Variants in NKAIN3 observed in about 807,000 individuals in gnomAD.
NKAIN3 encodes sodium/potassium transporting ATPase interacting 3.
A neutral mutation model predicts 30.2 loss-of-function variants in NKAIN3; 25 were observed. That is an observed-to-expected ratio of 0.83 (90% CI 0.60 to 1.16). The LOEUF (loss-of-function observed/expected upper bound fraction) is 1.16. Among genes scored for constraint, NKAIN3 ranks in the 50% most tolerant of loss-of-function variants. The pLI is 0.00. For missense variants in NKAIN3, 225 were observed against 254.1 expected, an observed-to-expected ratio of 0.89 and a Z score of 0.78; for synonymous variants, 91 against 89.6, an observed-to-expected ratio of 1.02 and a Z score of -0.09.
intron 1 of NKAIN3, among the ~76,000 whole-genome samples, chr8:62,485,821 T>C (rs1198267556): frequency 2.6e-5 from 4 of 152,012 alleles, no homozygotes; most frequent in Non-Finnish European, 5.9e-5. Flanking sequence ...ACTTGAGAGG[T>C]TGAACAACAG....
intron 1 of NKAIN3, among the ~76,000 whole-genome samples, chr8:62,342,235 C>CAAAAAAAAAAAAAAAAAAAAAAAAAA (rs3058285): frequency 1.6e-5 from 2 of 124,788 alleles, no homozygotes; most frequent in African/African-American, 3.2e-5. Flanking sequence ...ACCACTGAAC[C>CAAAAAAAAAAAAAAAAAAAAAAAAAA]AAAAAAAAAA....
At chr8:62,442,148 A>T (rs1230717514) in intron 1 of NKAIN3, among the ~76,000 whole-genome samples, 1 of 151,970 alleles carries the variant, frequency 6.6e-6, no homozygotes, top group Non-Finnish European at 1.5e-5. Flanking sequence ...ATGCCTATAC[A>T]ATTTTCTGTT....
In NKAIN3 at chr8:62,366,348, T is replaced by A. The variant is rs541657667; in HGVS notation, c.54+117221T>A. 1.5e-4 allele frequency among the ~76,000 whole-genome samples: 23 copies of A among 151,940 alleles called. No homozygotes were observed. The South Asian group carries it at 4.6e-3, about 30-fold the overall frequency. ...TTCAAGCAATTCTCATGCCTCAGCA[T>A]CCCGAGTAGCTGGGATTACAGGCAT... On this transcript the variant is annotated intron_variant, in intron 1 of 6. Coordinates refer to ENST00000623646, the MANE Select transcript of NKAIN3 (RefSeq NM_001304533.3).
At chr8:62,624,312 G>A (rs1171025802) in intron 3 of NKAIN3, among the ~76,000 whole-genome samples, 1 of 151,922 alleles carries the variant, frequency 6.6e-6, no homozygotes, top group Non-Finnish European at 1.5e-5. Flanking sequence ...GTCTTGTTTT[G>A]TCCAACCCCT....
chr8:62,680,306 T>C (rs576604505), intron 3 of NKAIN3, among the ~76,000 whole-genome samples: 1 of 152,324 alleles, frequency 6.6e-6, no homozygotes, highest in Admixed American at 6.5e-5. Context: ...GATTTTAGAT[T>C]TGTGGAACTC....
chr8:62,660,965 T>C (rs907657220), intron 3 of NKAIN3, among the ~76,000 whole-genome samples: 1 of 152,222 alleles, frequency 6.6e-6, no homozygotes, highest in African/African-American at 2.4e-5. Flanking sequence ...ACCTTATTCT[T>C]CTGTATAGAA....
At chr8:62,683,025 T>TTTTGTTTGTTTG (rs535757107) in intron 3 of NKAIN3, among the ~76,000 whole-genome samples, 1 of 152,024 alleles carries the variant, frequency 6.6e-6, no homozygotes, top group African/African-American at 2.4e-5. Flanking sequence ...TTGTTTGTTT[T>TTTTGTTTGTTTG]TTTGTTTGTT....
chr8:62,626,773 C>T (rs564530282), intron 3 of NKAIN3, among the ~76,000 whole-genome samples: 2 of 152,096 alleles, frequency 1.3e-5, no homozygotes, highest in African/African-American at 4.8e-5. Flanking sequence ...ACACCTTAAA[C>T]GAAACAGCAA....
At chr8:62,683,008 G>A (rs1233123686) in intron 3 of NKAIN3, among the ~76,000 whole-genome samples, 1 of 149,670 alleles carries the variant, frequency 6.7e-6, no homozygotes, top group Non-Finnish European at 1.5e-5. Context: ...TATGTGTCAG[G>A]TTTTGTTTGT....
At chr8:62,578,029 G>A (rs971480302) in intron 1 of NKAIN3, among the ~76,000 whole-genome samples, 4 of 152,032 alleles carry the variant, frequency 2.6e-5, no homozygotes, top group African/African-American at 9.7e-5. Context: ...AATACCCAGG[G>A]AGCCATTTTC....
At chr8:62,365,210 A>G (rs1274276440) in intron 1 of NKAIN3, among the ~76,000 whole-genome samples, 1 of 152,206 alleles carries the variant, frequency 6.6e-6, no homozygotes, top group Non-Finnish European at 1.5e-5. Flanking sequence ...AATTTCAAGT[A>G]TACAGAAAAG....
intron 4 of NKAIN3, among the ~76,000 whole-genome samples, chr8:62,912,595 C>A (rs1821953479): frequency 6.6e-6 from 1 of 152,134 alleles, no homozygotes; most frequent in Admixed American, 6.5e-5. Context: ...TTTTTTTTAA[C>A]TTTTTAAACT....
intron 4 of NKAIN3, among the ~76,000 whole-genome samples, chr8:62,813,869 T>A (rs1818576654): frequency 1.3e-5 from 2 of 152,004 alleles, no homozygotes; most frequent in South Asian, 4.1e-4. Context: ...CAGTCTTTAC[T>A]TGTCTGAAAA....
At chr8:62,897,901 A>G (rs1821484131) in intron 4 of NKAIN3, among the ~76,000 whole-genome samples, 1 of 152,172 alleles carries the variant, frequency 6.6e-6, no homozygotes, top group Non-Finnish European at 1.5e-5. Flanking sequence ...GACCCCCACC[A>G]GATGCAGATG....
At chr8:62,308,036 A>G (rs1317998119) in intron 1 of NKAIN3, among the ~76,000 whole-genome samples, 1 of 150,518 alleles carries the variant, frequency 6.6e-6, no homozygotes, top group Non-Finnish European at 1.5e-5. Context: ...TCAGGAGAAC[A>G]TAGCATTATG....
intron 3 of NKAIN3, among the ~76,000 whole-genome samples, chr8:62,683,803 C>T (rs1401858135): frequency 6.6e-6 from 1 of 152,144 alleles, no homozygotes; most frequent in Non-Finnish European, 1.5e-5. Flanking sequence ...GTATTGCCCA[C>T]ATATTGGCAA....
chr8:62,848,244 G>A (rs1819752714), intron 4 of NKAIN3, among the ~76,000 whole-genome samples: 1 of 152,138 alleles, frequency 6.6e-6, no homozygotes, highest in Non-Finnish European at 1.5e-5. Context: ...GAGTAGCACT[G>A]AATCTATAAA....
rs779634951 is a variant in NKAIN3, at chr8:62,553,078, A to G, written c.55-26461A>G. Reference sequence around the variant, plus strand: ...GAAGAATGACATTGTGTATGCTTGGAAAGTTTATATTGCTATTTTTATCAC... The same window carrying G: ...GAAGAATGACATTGTGTATGCTTGGGAAGTTTATATTGCTATTTTTATCAC... On this transcript the variant is annotated intron_variant, in intron 1 of 6. Coordinates refer to ENST00000623646, the MANE Select transcript of NKAIN3 (RefSeq NM_001304533.3). Among the ~76,000 whole-genome samples, 6 of 152,176 alleles carry G rather than the reference A, an allele frequency of 3.9e-5. No homozygotes were observed. In the South Asian group the frequency reaches 6.2e-4, roughly 16 times the overall value.
chr8:62,372,679 C>T (rs1409108168), intron 1 of NKAIN3, among the ~76,000 whole-genome samples: 1 of 151,824 alleles, frequency 6.6e-6, no homozygotes, highest in Non-Finnish European at 1.5e-5. Context: ...TTGTATTGTT[C>T]TCAATTCATT....
Sources: gnomAD v4.1 joint callset for allele counts (sites outside exome capture counted in the v4.1 genomes callset) on GRCh38, gnomAD v4.1.1 for gene constraint, MANE v1.5 for transcripts, NCBI Gene and HGNC (gene_info 2026-07-23, HGNC 2026-07-21) for gene names.